The following ESCO2 variants were observed in gnomAD, a reference collection of about 807,000 sequenced individuals.
ESCO2 encodes establishment of sister chromatid cohesion N-acetyltransferase 2, also known as N-acetyltransferase ESCO2.
A neutral mutation model predicts 61.7 loss-of-function variants in ESCO2; 51 were observed. The observed-to-expected ratio is 0.83, with a 90% confidence interval of 0.66 to 1.04. The LOEUF is 1.04. ESCO2 is among the 50% of genes least tolerant of loss of function. The pLI is 0.00. For missense variants in ESCO2, 692 were observed against 686.2 expected, an observed-to-expected ratio of 1.01 and a Z score of -0.09; for synonymous variants, 230 against 238.2, an observed-to-expected ratio of 0.97 and a Z score of 0.32.
chr8:27,803,222 C>A, intron 10 of ESCO2, 84 bp from the exon 11 acceptor site: 1 of 1,227,850 alleles, frequency 8.1e-7, no homozygotes, highest in Non-Finnish European at 1.2e-6. Context: ...TGATTTAAGT[C>A]AAGAGTATTT....
upstream of ESCO2, chr8:27,774,424 C>G (rs1804731676): frequency 6.6e-6 from 1 of 152,206 alleles, no homozygotes; most frequent in Admixed American, 6.5e-5. Context: ...ATCTTGGAAA[C>G]AGCCACCAGG....
chr8:27,790,811 A>G (rs544499260), intron 7 of ESCO2, among the ~76,000 whole-genome samples: 3 of 152,318 alleles, frequency 2.0e-5, no homozygotes, highest in South Asian at 4.1e-4. Context: ...CTGATTAGCA[A>G]TGCCACGTTT....
intron 3 of ESCO2, 129 bp from the exon 4 acceptor site, chr8:27,780,045 A>G: frequency 1.5e-6 from 1 of 670,528 alleles, no homozygotes; most frequent in Non-Finnish European, 2.6e-6. Flanking sequence ...TTGATTGAAA[A>G]TCACATTATG....
chr8:27,772,554 G>A, upstream of ESCO2: 1 of 1,549,064 alleles, frequency 6.5e-7, no homozygotes, highest in Non-Finnish European at 8.7e-7. Context: ...CCCGGGAGCG[G>A]TGCGGTGACT....
intron 9 of ESCO2, among the ~76,000 whole-genome samples, chr8:27,796,192 A>AT (rs1324332131): frequency 1.3e-5 from 2 of 149,900 alleles, no homozygotes; most frequent in African/African-American, 2.5e-5. Flanking sequence ...CTAGGAATTT[A>AT]TTTCTTATAG....
downstream of ESCO2, chr8:27,810,572 CT>C (rs1805657959): frequency 2.4e-5 from 20 of 838,960 alleles, no homozygotes; most frequent in South Asian, 3.2e-4. Context: ...ATAGCTCACC[CT>C]TCTCCTGAAA....
At chr8:27,777,382 GCCTCAAC>G (rs1322905799) in intron 3 of ESCO2, 11 of 379,768 alleles carry the variant, frequency 2.9e-5, no homozygotes, top group Non-Finnish European at 4.2e-5. Flanking sequence ...GCTCACTACA[GCCTCAAC>G]CTCCTAGGCT....
chr8:27,817,676 G>A, the ESCO2 span, among the ~76,000 whole-genome samples: 1 of 151,576 alleles, frequency 6.6e-6, no homozygotes, highest in Non-Finnish European at 1.5e-5. Context: ...TTACTTCTTT[G>A]GACTGTGTTC....
chr8:27,812,766 T>G (rs1235344770), downstream of ESCO2: 4 of 152,046 alleles, frequency 2.6e-5, no homozygotes. Context: ...AAAACCACAA[T>G]GAGATACCAT....
chr8:27,799,852 T>A (rs1047362169), intron 10 of ESCO2, 136 bp downstream of exon 10: 1 of 1,053,928 alleles, frequency 9.5e-7, no homozygotes, highest in Non-Finnish European at 1.4e-6. Flanking sequence ...CTAAGGAAGG[T>A]ATTGGTACTA....
At chr8:27,773,576 CACTCTT>C (rs1280251876), upstream of ESCO2, 1 of 151,666 alleles carries the variant, frequency 6.6e-6, no homozygotes, top group African/African-American at 2.4e-5. Context: ...TTTAAACTGA[CACTCTT>C]ACATCACTGT....
At position 27,776,536 on chromosome 8, in the gene ESCO2, A is replaced by G. The variant is rs778841182; in HGVS notation, c.228A>G (p.Pro76=). ...NRLPSANQGS[P]FKSALSTVSF... Reference sequence around the variant, plus strand: ...TGCCATCAGCAAATCAAGGCTCACCATTTAAATCTGCGCTCTCCACTGTAT... The same window carrying G: ...TGCCATCAGCAAATCAAGGCTCACCGTTTAAATCTGCGCTCTCCACTGTAT... Residue 76 remains proline (P), a synonymous_variant, in exon 3 of 11, where the codon CCA becomes CCG. Coordinates refer to ENST00000305188, the MANE Select transcript of ESCO2 (RefSeq NM_001017420.3). 4 of 1,614,170 alleles carry G rather than the reference A, an allele frequency of 2.5e-6. No homozygotes were observed. Among genetic ancestry groups the G allele is most frequent in the South Asian group, 2.2e-5 (2 of 91,080 alleles).
the ESCO2 span, among the ~76,000 whole-genome samples, chr8:27,819,346 TTAAA>T: frequency 6.6e-6 from 1 of 152,160 alleles, no homozygotes; most frequent in Non-Finnish European, 1.5e-5. Flanking sequence ...TTCATAAAAG[TTAAA>T]TAATGAAAAT....
At chr8:27,810,086 A>T (rs1460434080), downstream of ESCO2, 1 of 509,480 alleles carries the variant, frequency 2.0e-6, no homozygotes, top group Non-Finnish European at 3.4e-6. Flanking sequence ...GTACTTATGT[A>T]GCTAGTTTCT....
intron 7 of ESCO2, 145 bp downstream of exon 7, chr8:27,789,123 T>G (rs1422765275): frequency 9.2e-7 from 1 of 1,082,126 alleles, no homozygotes; most frequent in African/African-American, 1.6e-5. Context: ...AGATAAATAT[T>G]TTGTAAACAC....
Position 27,804,512 on chromosome 8 carries a change from A to T in ESCO2, c.*1074A>T, listed in dbSNP as rs1805520498. On this transcript the variant is annotated 3_prime_UTR_variant, in exon 11 of 11. Coordinates refer to ENST00000305188, the MANE Select transcript of ESCO2 (RefSeq NM_001017420.3). ...TGGATGAGAGACCATGGAACTGTGT[A>T]AATACACTTAAATGTTCACACATTT... 2 of 985,466 alleles carry T rather than the reference A, an allele frequency of 2.0e-6. No individual in the cohort carries two copies. Among genetic ancestry groups the T allele is most frequent in the East Asian group, 1.1e-4 (1 of 8,822 alleles). The allele number at this position is 985,466 out of a possible 1,614,324, so 61.0% of individuals were successfully genotyped here. A position where few individuals can be genotyped will look rare whatever the true frequency, so the allele number is the denominator to read the frequency against.
chr8:27,792,822 T>G lies in ESCO2; in HGVS notation c.1497+11T>G, dbSNP rs775602321. On this transcript the variant is annotated intron_variant, in intron 9 of 10. Coordinates refer to ENST00000305188, the MANE Select transcript of ESCO2 (RefSeq NM_001017420.3). The stretch of plus-strand genomic sequence containing the variant: ...GAACCCATCAAACAGGTATGGTATA[T>G]TTGTTTTAAATTATTGGCATAATTT... The G allele has an allele frequency of 6.4e-7, 1 of 1,563,156 alleles. No individual in the cohort carries two copies.
At chr8:27,795,819 C>T (rs1563478775) in intron 9 of ESCO2, among the ~76,000 whole-genome samples, 1 of 152,144 alleles carries the variant, frequency 6.6e-6, no homozygotes, top group Non-Finnish European at 1.5e-5. Context: ...TTGAGCCATC[C>T]TTGCATCCAG....
downstream of ESCO2, among the ~76,000 whole-genome samples, chr8:27,817,633 TA>T (rs573753397): frequency 9.2e-5 from 14 of 151,992 alleles, no homozygotes; most frequent in Non-Finnish European, 1.6e-4. Context: ...CAGGTTATTA[TA>T]AAAAAAATGC....
Sources: allele counts gnomAD v4.1 joint callset (sites outside exome capture counted in the v4.1 genomes callset), GRCh38; gene constraint gnomAD v4.1.1; transcripts MANE v1.5; gene names NCBI Gene and HGNC (gene_info 2026-07-23, HGNC 2026-07-21).